Variants in PRIM2 observed in about 807,000 individuals in gnomAD.
The protein encoded by PRIM2 is DNA primase subunit 2, also known as DNA primase large subunit.
In PRIM2, 39 loss-of-function variants were observed where a neutral mutation model predicts 67.3. The ratio of observed to expected loss-of-function variants is 0.58; its 90% CI spans 0.45 to 0.76. The LOEUF (loss-of-function observed/expected upper bound fraction) is 0.76, where lower values mean the gene tolerates loss of function less well. Among genes scored for constraint, PRIM2 ranks in the 30% least tolerant of loss-of-function variants. The pLI, the probability that PRIM2 is intolerant of heterozygous loss-of-function variation, is 0.00. For missense variants in PRIM2, 398 were observed against 598.7 expected, an observed-to-expected ratio of 0.66 and a Z score of 3.50; for synonymous variants, 143 against 198.7, an observed-to-expected ratio of 0.72 and a Z score of 2.36.
At chr6:57,362,273 T>C (rs1769225734) in intron 5 of PRIM2, among the ~76,000 whole-genome samples, 1 of 152,130 alleles carries the variant, frequency 6.6e-6, no homozygotes, top group Non-Finnish European at 1.5e-5. Context: ...AAATATAAAT[T>C]TAGTAACACC....
chr6:57,574,964 AGAAC>A (rs1458286694), intron 10 of PRIM2, among the ~76,000 whole-genome samples: 3 of 152,206 alleles, frequency 2.0e-5, no homozygotes, highest in African/African-American at 7.2e-5. Flanking sequence ...TTAAAGGTAT[AGAAC>A]TTAACAAAAT....
chr6:57,491,791 G>A (rs1248747382), intron 7 of PRIM2, among the ~76,000 whole-genome samples: 1 of 152,172 alleles, frequency 6.6e-6, no homozygotes, highest in Non-Finnish European at 1.5e-5. Context: ...TCTCAGCAAA[G>A]AGAGGGGTCC....
intron 7 of PRIM2, among the ~76,000 whole-genome samples, chr6:57,498,780 G>A (rs1223964067): frequency 6.6e-6 from 1 of 152,090 alleles, no homozygotes; most frequent in Non-Finnish European, 1.5e-5. Context: ...TTAAAATGAA[G>A]CCACCCTCTT....
At chr6:57,640,687 C>T (rs1222050533) in intron 13 of PRIM2, among the ~76,000 whole-genome samples, 6 of 152,204 alleles carry the variant, frequency 3.9e-5, no homozygotes, top group Middle Eastern at 6.8e-3. Context: ...TGAAGGACCT[C>T]TTGAAGGAGA....
chr6:57,383,659 T>G (rs1407076270), intron 7 of PRIM2: 1 of 151,622 alleles, frequency 6.6e-6, no homozygotes, highest in Non-Finnish European at 1.5e-5. Flanking sequence ...ATGTGATGCC[T>G]GGAAGAGCTA....
intron 7 of PRIM2, among the ~76,000 whole-genome samples, chr6:57,466,075 G>C (rs1439621405): frequency 6.6e-6 from 1 of 151,784 alleles, no homozygotes; most frequent in African/African-American, 2.4e-5. Flanking sequence ...TGAGGTGTTT[G>C]GTTTTCTGTT....
intron 7 of PRIM2, among the ~76,000 whole-genome samples, chr6:57,459,311 TC>T (rs1310498712): frequency 6.6e-6 from 1 of 152,294 alleles, no homozygotes; most frequent in East Asian, 1.9e-4. Context: ...CACCTTGCTG[TC>T]CCTGTTGGTA....
chr6:57,418,770 C>T (rs13207578), intron 7 of PRIM2, among the ~76,000 whole-genome samples: 7 of 152,096 alleles, frequency 4.6e-5, no homozygotes, highest in Admixed American at 4.6e-4. Flanking sequence ...TCCACAGTCT[C>T]TATAGAGGGA....
the PRIM2 span, among the ~76,000 whole-genome samples, chr6:57,266,014 G>T: frequency 6.6e-6 from 1 of 152,038 alleles, no homozygotes; most frequent in African/African-American, 2.4e-5. Context: ...AAAGGAGAAT[G>T]AAAAAACAGC....
intron 7 of PRIM2, among the ~76,000 whole-genome samples, chr6:57,466,556 A>T (rs1447127172): frequency 6.6e-6 from 1 of 152,120 alleles, no homozygotes; most frequent in African/African-American, 2.4e-5. Context: ...TTTGATTTGC[A>T]TTTCTCTAAT....
intron 7 of PRIM2, among the ~76,000 whole-genome samples, chr6:57,507,092 G>A (rs1468550649): frequency 6.6e-6 from 1 of 151,966 alleles, no homozygotes; most frequent in African/African-American, 2.4e-5. Context: ...AGTCTCATAA[G>A]TGAATGCTTT....
At chr6:57,329,326 GAAGT>G (rs1457584222) in intron 5 of PRIM2, among the ~76,000 whole-genome samples, 7 of 152,204 alleles carry the variant, frequency 4.6e-5, no homozygotes, top group Non-Finnish European at 1.0e-4. Flanking sequence ...TACACGGTGT[GAAGT>G]AAGGGTCCAA....
the PRIM2 span, among the ~76,000 whole-genome samples, chr6:57,253,936 C>T: frequency 6.6e-6 from 1 of 152,172 alleles, no homozygotes; most frequent in African/African-American, 2.4e-5. Flanking sequence ...CACAGGTTAC[C>T]AAAGACATTG....
the PRIM2 span, among the ~76,000 whole-genome samples, chr6:57,225,009 G>A: frequency 3.9e-5 from 6 of 152,140 alleles, no homozygotes; most frequent in African/African-American, 1.4e-4. Context: ...GGCAAACCTT[G>A]CAAAATAACC....
At chr6:57,470,346 A>G (rs1465944263) in intron 7 of PRIM2, among the ~76,000 whole-genome samples, 19,290 of 133,064 alleles carry the variant, frequency 0.14, 1,671 homozygotes, top group African/African-American at 0.25. Context: ...TTCCACCACA[A>G]ATTAGTTGGC....
the PRIM2 span, among the ~76,000 whole-genome samples, chr6:57,297,010 T>C: frequency 3.9e-5 from 6 of 152,132 alleles, no homozygotes; most frequent in African/African-American, 1.4e-4. Flanking sequence ...CCATACTCTA[T>C]AGAATAAAAT....
At chr6:57,586,582 A>G (rs1252926968) in intron 10 of PRIM2, among the ~76,000 whole-genome samples, 98 of 152,312 alleles carry the variant, frequency 6.4e-4, no homozygotes, top group Non-Finnish European at 1.2e-3. Flanking sequence ...TTTTTCTCAC[A>G]ATGGGTATTT....
intron 8 of PRIM2, among the ~76,000 whole-genome samples, chr6:57,522,344 C>A (rs1774642632): frequency 6.6e-6 from 1 of 152,084 alleles, no homozygotes; most frequent in African/African-American, 2.4e-5. Flanking sequence ...CTCCAGAGAA[C>A]TATTTGATTG....
the PRIM2 span, among the ~76,000 whole-genome samples, chr6:57,235,199 A>G: frequency 6.6e-6 from 1 of 152,146 alleles, no homozygotes; most frequent in Non-Finnish European, 1.5e-5. Context: ...ACGGTGGCTC[A>G]TGGCTGTAAT....
Sources: gnomAD v4.1 joint callset for allele counts (sites outside exome capture counted in the v4.1 genomes callset) on GRCh38, gnomAD v4.1.1 for gene constraint, MANE v1.5 for transcripts, NCBI Gene and HGNC (gene_info 2026-07-23, HGNC 2026-07-21) for gene names.